Variants in SLC19A2 observed in about 807,000 individuals in gnomAD.
SLC19A2 encodes thiamine transporter 1.
In SLC19A2, 27 loss-of-function variants were observed where a neutral mutation model predicts 44.7. That is an observed-to-expected ratio of 0.60 (90% CI 0.45 to 0.83). The LOEUF is 0.83. Ranked by LOEUF, SLC19A2 falls within the 40% of genes least tolerant of loss-of-function variation. The pLI is 0.00. For synonymous variants in SLC19A2, 239 were observed against 243.6 expected (o/e 0.98, Z 0.18); for missense variants, 566 against 613.7 (o/e 0.92, Z 0.82).
In SLC19A2 at chr1:169,470,153, C is replaced by T; in HGVS notation, c.841G>A (p.Val281Ile). Residue 281 changes from valine to isoleucine, a missense_variant, in exon 3 of 6, where the codon GTA becomes ATA. Coordinates refer to ENST00000236137, the MANE Select transcript of SLC19A2 (RefSeq NM_006996.3). ...PKPDRLLVLK[V>I]LWNDFLMCYS... ...CACATCAGGAAATCATTCCATAGTA[C>T]TTTCAATACAAGGAGACGGTCTGGC... is the stretch of plus-strand genomic sequence containing the variant. 6.2e-7 allele frequency: 1 copy of T among 1,614,042 alleles called. No homozygotes were observed. Among genetic ancestry groups the T allele is most frequent in the South Asian group, 1.1e-5 (1 of 91,088 alleles).
rs767158684 is a variant in SLC19A2, at chr1:169,480,473, G to A, written c.205-2716C>T. On this transcript the variant is annotated intron_variant, in intron 1 of 5. Transcript: ENST00000236137. ...AATTACAGGTGCCTGTCACCATGCC[G>A]GGCCAATTTTTTGTATTTTTGGGAG... Among the ~76,000 whole-genome samples the A allele has an allele frequency of 9.2e-5, 14 of 151,902 alleles. No individual in the cohort carries two copies. The East Asian group carries it at 1.2e-3, about 13-fold the overall frequency.
chr1:169,485,579 T>G lies in SLC19A2; in HGVS notation c.188A>C (p.Asn63Thr). The change falls in exon 1 of 6, where the codon AAC becomes ACC. Residue 63 changes from asparagine (N) to threonine (T), a missense_variant. Transcript: ENST00000236137. Reference protein sequence around the residue: ...LTPYLLGPDKNLTEREVFNEI... With the variant: ...LTPYLLGPDKTLTEREVFNEI... ...CGCGCGTACCTCCCTCTCGGTCAGG[T>G]TCTTGTCCGGCCCCAGCAGGTACGG... 1.9e-6 allele frequency: 3 copies of G among 1,586,720 alleles called. No homozygotes were observed. The South Asian group carries it at 3.4e-5, about 18-fold the overall frequency.
chr1:169,479,975 T>C (rs1417140252), intron 1 of SLC19A2, among the ~76,000 whole-genome samples: 1 of 152,242 alleles, frequency 6.6e-6, no homozygotes, highest in Non-Finnish European at 1.5e-5. Context: ...CCCTGTTTTC[T>C]GAAATACATT....
chr1:169,470,385 T>C (rs188338301), intron 2 of SLC19A2, among the ~76,000 whole-genome samples, 199 bp from the exon 3 acceptor site: 1 of 152,212 alleles, frequency 6.6e-6, no homozygotes, highest in Non-Finnish European at 1.5e-5. Context: ...AAATGCACTA[T>C]AGCATTAACA....
In SLC19A2 at chr1:169,464,478, G is replaced by A. The variant is rs184461354; in HGVS notation, c.*1371C>T. The A allele has an allele frequency of 4.6e-5, 7 of 152,074 alleles. No homozygotes were observed. In the East Asian group the frequency reaches 5.8e-4, roughly 13 times the overall value. The allele number at this position is 152,074 out of a possible 1,614,324, so 9.4% of individuals were successfully genotyped here. A position where few individuals can be genotyped will look rare whatever the true frequency, so the allele number is the denominator to read the frequency against. The stretch of plus-strand genomic sequence containing the variant: ...CCTGCTTAAACCAAATGAGTATGTC[G>A]ACTTTGCAATCTTGACACACTATTA... On this transcript the variant is annotated 3_prime_UTR_variant, in exon 6 of 6. Transcript: ENST00000236137.
intron 2 of SLC19A2, among the ~76,000 whole-genome samples, chr1:169,472,486 T>C (rs139584110): frequency 1.1e-3 from 173 of 152,248 alleles, no homozygotes; most frequent in Non-Finnish European, 1.9e-3. Flanking sequence ...ATGATAACAA[T>C]AAAACCTATC....
rs370695604 is a variant in SLC19A2 at position 169,465,829 on chromosome 1, A to G, written c.*20T>C. ...GCTGTGCAGAGTTCTTGCTATAAGA[A>G]GAAGCCCTTCAGCAGTATATTATGA... On this transcript the variant is annotated 3_prime_UTR_variant, in exon 6 of 6. Coordinates refer to ENST00000236137, the MANE Select transcript of SLC19A2 (RefSeq NM_006996.3). 8.7e-6 allele frequency: 14 copies of G among 1,613,092 alleles called. No individual in the cohort carries two copies. The highest frequency in any genetic ancestry group is 2.2e-5 in the East Asian group (1 of 44,896).
intron 5 of SLC19A2, 100 bp downstream of exon 5, chr1:169,468,011 T>A: frequency 8.5e-7 from 1 of 1,179,914 alleles, no homozygotes. Flanking sequence ...TTTACATCTG[T>A]TCCCTATTGT....
Position 169,465,852 on chromosome 1 carries a change from T to C in SLC19A2, c.1491A>G (p.Ser497=). The change falls in exon 6 of 6, where the codon TCA becomes TCG. Residue 497 remains serine, a synonymous_variant. Transcript: ENST00000236137. Reference sequence around the variant, plus strand: ...GAAGAAGCCCTTCAGCAGTATATTATGAAGTGGTTACTTGAGAACTTGATT... The same window carrying C: ...GAAGAAGCCCTTCAGCAGTATATTACGAAGTGGTTACTTGAGAACTTGATT... ...DPQSSSQVTT[S] 6.2e-7 allele frequency: 1 copy of C among 1,613,996 alleles called. No homozygotes were observed. Among genetic ancestry groups the C allele is most frequent in the African/African-American group, 1.3e-5 (1 of 75,034 alleles).
intron 2 of SLC19A2, among the ~76,000 whole-genome samples, chr1:169,476,427 T>C (rs1658311263): frequency 1.3e-5 from 2 of 152,184 alleles, no homozygotes; most frequent in Non-Finnish European, 2.9e-5. Context: ...TTAAATACTG[T>C]GGGCTTCATG....
intron 2 of SLC19A2, among the ~76,000 whole-genome samples, chr1:169,476,335 A>G (rs1571536849): frequency 6.6e-6 from 1 of 152,146 alleles, no homozygotes; most frequent in Non-Finnish European, 1.5e-5. Context: ...ATTCATTACT[A>G]CTTCACTTCA....
chr1:169,471,880 T>C (rs1055513399), intron 2 of SLC19A2, among the ~76,000 whole-genome samples: 4 of 152,096 alleles, frequency 2.6e-5, no homozygotes, highest in African/African-American at 9.7e-5. Flanking sequence ...TCTCATACCA[T>C]CCCAAAGCAA....
At position 169,477,536 on chromosome 1, in the gene SLC19A2, G is replaced by A. The variant is rs1658352923; in HGVS notation, c.426C>T (p.Tyr142=). ...GGTCCACCACACTGTAGATATAAGA[G>A]TAATAGGCAATTTCAGTGGCTGTGG... ...GIATATEIAY[Y]SYIYSVVDLG... is the part of the protein sequence containing the mutation. The change falls in exon 2 of 6, where the codon TAC becomes TAT. Residue 142 remains tyrosine (Y), a synonymous_variant. Coordinates refer to ENST00000236137, the MANE Select transcript of SLC19A2 (RefSeq NM_006996.3). The A allele has an allele frequency of 3.1e-6, 5 of 1,614,034 alleles. No individual in the cohort carries two copies. The highest frequency in any genetic ancestry group is 4.2e-6 in the Non-Finnish European group (5 of 1,180,034).
rs1657935689 is a variant in SLC19A2 at position 169,464,226 on chromosome 1, C to A, written c.*1623G>T. The A allele has an allele frequency of 6.6e-6, 1 of 152,556 alleles. No homozygotes were observed. The highest frequency in any genetic ancestry group is 2.1e-4 in the South Asian group (1 of 4,826). 9.5% of individuals were successfully genotyped at this position (152,556 alleles called of 1,614,324 possible). A position where few individuals can be genotyped will look rare whatever the true frequency, so the allele number is the denominator to read the frequency against. ...TAAAAAAAGATTTAATAAAATCCCT[C>A]AAACAGCACTTTTCTACTTGTTTCG... On this transcript the variant is annotated 3_prime_UTR_variant, in exon 6 of 6. Coordinates refer to ENST00000236137, the MANE Select transcript of SLC19A2 (RefSeq NM_006996.3).
rs138868959 is a variant in SLC19A2 at position 169,470,171 on chromosome 1, G to A, written c.823C>T (p.Arg275Cys). 2.0e-5 allele frequency: 33 copies of A among 1,613,768 alleles called. No homozygotes were observed. The highest frequency in any genetic ancestry group is 1.6e-4 in the Middle Eastern group (1 of 6,084). ...CATAGTACTTTCAATACAAGGAGAC[G>A]GTCTGGCTTGGGTTCCTACATAGCA... is the stretch of plus-strand genomic sequence containing the variant. ...PVEEPEPKPDRLLVLKVLWND... is the reference protein window; with the variant it reads ...PVEEPEPKPDCLLVLKVLWND... The change falls in exon 3 of 6, where the codon CGT (arginine) becomes TGT (cysteine). Residue 275 changes from arginine to cysteine, a missense_variant. By Grantham distance (180) the Arg-to-Cys change is radical (BLOSUM62 -3). Transcript: ENST00000236137.
intron 1 of SLC19A2, among the ~76,000 whole-genome samples, chr1:169,483,106 T>C (rs577289242): frequency 5.4e-4 from 83 of 152,346 alleles, no homozygotes; most frequent in South Asian, 1.0e-3. Flanking sequence ...TTAAAATTAA[T>C]GCTTTTCCTG....
At position 169,465,818 on chromosome 1, in the gene SLC19A2, T is replaced by C. The variant is rs777625943; in HGVS notation, c.*31A>G. 3.5e-5 allele frequency: 56 copies of C among 1,611,992 alleles called. No individual in the cohort carries two copies. The East Asian group carries it at 9.1e-4, about 26-fold the overall frequency. On this transcript the variant is annotated 3_prime_UTR_variant, in exon 6 of 6. Coordinates refer to ENST00000236137, the MANE Select transcript of SLC19A2 (RefSeq NM_006996.3). ...TCCAGGCAGTTGCTGTGCAGAGTTC[T>C]TGCTATAAGAAGAAGCCCTTCAGCA...
chr1:169,475,483 T>C (rs1658283991), intron 2 of SLC19A2, among the ~76,000 whole-genome samples: 1 of 152,140 alleles, frequency 6.6e-6, no homozygotes, highest in Non-Finnish European at 1.5e-5. Context: ...TGTTAATATC[T>C]AAAATATATA....
At chr1:169,484,633 A>C (rs1658513568) in intron 1 of SLC19A2, among the ~76,000 whole-genome samples, 1 of 152,192 alleles carries the variant, frequency 6.6e-6, no homozygotes, top group South Asian at 2.1e-4. Context: ...TTCTCAGTTT[A>C]TATATTGTCT....
Sources: allele counts gnomAD v4.1 joint callset (sites outside exome capture counted in the v4.1 genomes callset), GRCh38; gene constraint gnomAD v4.1.1; transcripts MANE v1.5; gene names NCBI Gene and HGNC (gene_info 2026-07-23, HGNC 2026-07-21).